The following DNAAF10 variants were observed in gnomAD, a reference collection of about 807,000 sequenced individuals.
DNAAF10 encodes dynein axonemal assembly factor 10.
A neutral mutation model predicts 43.7 loss-of-function variants in DNAAF10; 28 were observed. The ratio of observed to expected loss-of-function variants is 0.64; its 90% CI spans 0.48 to 0.88. DNAAF10 has a LOEUF of 0.88. Among genes scored for constraint, DNAAF10 ranks in the 40% least tolerant of loss-of-function variants. DNAAF10 has a pLI of 0.00. For missense variants in DNAAF10, 403 were observed against 439.1 expected, an observed-to-expected ratio of 0.92 and a Z score of 0.73; for synonymous variants, 156 against 157.3, an observed-to-expected ratio of 0.99 and a Z score of 0.06.
chr2:68,153,481 C>G (rs1673505714), intron 1 of DNAAF10, among the ~76,000 whole-genome samples: 1 of 151,752 alleles, frequency 6.6e-6, no homozygotes, highest in Non-Finnish European at 1.5e-5. Flanking sequence ...GTTCTCAGCT[C>G]TGAGACTCAT....
chr2:68,149,415 T>C (rs1162242207), intron 1 of DNAAF10, among the ~76,000 whole-genome samples: 1 of 152,220 alleles, frequency 6.6e-6, no homozygotes, highest in African/African-American at 2.4e-5. Flanking sequence ...ACCCTATTGA[T>C]GAGAAGCATG....
At position 68,129,900 on chromosome 2, in the gene DNAAF10, T is replaced by C. The variant is rs1306777204; in HGVS notation, c.*1338A>G. On this transcript the variant is annotated 3_prime_UTR_variant, in exon 8 of 8. Coordinates refer to ENST00000295121, the MANE Select transcript of DNAAF10 (RefSeq NM_138458.4). ...CAGAAGTTTATTCATAAAATGCATT[T>C]TTAAAGTATGACCAAAAATAAGACT... 6.6e-6 allele frequency: 1 copy of C among 151,986 alleles called. No individual in the cohort carries two copies. Among genetic ancestry groups the C allele is most frequent in the Non-Finnish European group, 1.5e-5 (1 of 67,976 alleles). 9.4% of individuals were successfully genotyped at this position (151,986 alleles called of 1,614,324 possible). A position where few individuals can be genotyped will look rare whatever the true frequency, so the allele number is the denominator to read the frequency against.
At chr2:68,150,593 C>T (rs1259999339) in intron 1 of DNAAF10, among the ~76,000 whole-genome samples, 7 of 151,854 alleles carry the variant, frequency 4.6e-5, no homozygotes, top group African/African-American at 1.7e-4. Context: ...ATTAGCCAGG[C>T]GTGGTGGTGG....
intron 1 of DNAAF10, among the ~76,000 whole-genome samples, chr2:68,153,745 G>GTTTTT (rs35521976): frequency 3.8e-5 from 3 of 78,414 alleles, no homozygotes; most frequent in Non-Finnish European, 6.9e-5. Flanking sequence ...ACACAATGAA[G>GTTTTT]TTTTTTTTTT....
chr2:68,148,683 T>C (rs1572925782), intron 1 of DNAAF10, among the ~76,000 whole-genome samples: 1 of 152,214 alleles, frequency 6.6e-6, no homozygotes. Flanking sequence ...ACTCTTGCCA[T>C]ATAACACTTC....
intron 7 of DNAAF10, among the ~76,000 whole-genome samples, chr2:68,133,666 C>T (rs1457609646): frequency 6.6e-6 from 1 of 152,050 alleles, no homozygotes; most frequent in African/African-American, 2.4e-5. Flanking sequence ...GGCAGGAGAA[C>T]CCCTTGAACC....
chr2:68,137,528 A>G, intron 5 of DNAAF10, 95 bp from the exon 6 acceptor site: 2 of 1,161,788 alleles, frequency 1.7e-6, no homozygotes, highest in Non-Finnish European at 2.3e-6. Flanking sequence ...TGGTCAGATA[A>G]TGTGAAAGCA....
intron 6 of DNAAF10, among the ~76,000 whole-genome samples, chr2:68,135,299 A>T (rs1206210310): frequency 6.6e-6 from 1 of 152,186 alleles, no homozygotes; most frequent in East Asian, 1.9e-4. Context: ...CCGAAATTTA[A>T]CTAACAGCTC....
chr2:68,150,941 C>G (rs1673443192), intron 1 of DNAAF10, among the ~76,000 whole-genome samples: 1 of 152,160 alleles, frequency 6.6e-6, no homozygotes. Context: ...CCAAAAACAG[C>G]ACTGCAATGT....
chr2:68,157,255 A>G lies in DNAAF10; in HGVS notation c.183+6T>C. The G allele has an allele frequency of 6.2e-7, 1 of 1,610,996 alleles. No individual in the cohort carries two copies. The highest frequency in any genetic ancestry group is 1.1e-5 in the South Asian group (1 of 90,704). On this transcript the variant is annotated splice_donor_region_variant and intron_variant, in intron 1 of 7. Coordinates refer to ENST00000295121, the MANE Select transcript of DNAAF10 (RefSeq NM_138458.4). ...CGGCAGTCCGGATCCTCGACCCGGC[A>G]CCCACCTCCCGAAGCAGCTTCAGGT... is the stretch of plus-strand genomic sequence containing the variant.
At position 68,137,305 on chromosome 2, in the gene DNAAF10, T is replaced by C. The variant is rs771820483; in HGVS notation, c.762A>G (p.Ser254=). The stretch of plus-strand genomic sequence containing the variant: ...ACATTTCCCTCATATTTACCTTTTC[T>C]GAAACAGAGGCAAAACCTTTGGTTG... ...QHPTKGFASV[S]EKAHKSTVWQ... is the part of the protein sequence containing the mutation. Residue 254 remains serine (S), a synonymous_variant, in exon 6 of 8, where the codon TCA becomes TCG. Coordinates refer to ENST00000295121, the MANE Select transcript of DNAAF10 (RefSeq NM_138458.4). The C allele has an allele frequency of 5.6e-6, 9 of 1,610,106 alleles. No homozygotes were observed. In the African/African-American group the frequency reaches 1.1e-4, roughly 19 times the overall value.
intron 6 of DNAAF10, among the ~76,000 whole-genome samples, chr2:68,136,373 T>C (rs1558607077): frequency 6.6e-6 from 1 of 152,114 alleles, no homozygotes; most frequent in Non-Finnish European, 1.5e-5. Flanking sequence ...TATTCTGAAA[T>C]GACAAAAGCA....
At chr2:68,149,941 G>T (rs1376604749) in intron 1 of DNAAF10, among the ~76,000 whole-genome samples, 1 of 152,198 alleles carries the variant, frequency 6.6e-6, no homozygotes, top group Non-Finnish European at 1.5e-5. Context: ...TAGAAGCTGT[G>T]AAGAACTTGC....
intron 6 of DNAAF10, among the ~76,000 whole-genome samples, chr2:68,135,311 C>T (rs923545434): frequency 1.3e-5 from 2 of 152,124 alleles, no homozygotes; most frequent in African/African-American, 2.4e-5. Flanking sequence ...TAACAGCTCC[C>T]AGAGCCTTAT....
At chr2:68,146,308 G>T (rs1673315572) in intron 2 of DNAAF10, among the ~76,000 whole-genome samples, 1 of 152,130 alleles carries the variant, frequency 6.6e-6, no homozygotes, top group African/African-American at 2.4e-5. Context: ...GTTTAGAAAT[G>T]ACATTTATCA....
chr2:68,147,360 C>G (rs1429956341), intron 2 of DNAAF10, 107 bp downstream of exon 2: 2 of 780,568 alleles, frequency 2.6e-6, no homozygotes, highest in Non-Finnish European at 4.1e-6. Flanking sequence ...TAAAATGGAA[C>G]ATAGAAAGAT....
At chr2:68,138,189 A>AACAG (rs1471100608) in intron 5 of DNAAF10, among the ~76,000 whole-genome samples, 111 of 152,090 alleles carry the variant, frequency 7.3e-4, no homozygotes, top group African/African-American at 2.6e-3. Context: ...CAAACAAACA[A>AACAG]ACAAACAAAC....
chr2:68,131,923 G>A (rs937817378), intron 7 of DNAAF10: 4 of 173,946 alleles, frequency 2.3e-5, no homozygotes, highest in South Asian at 2.5e-4. Flanking sequence ...TCTAACCCTC[G>A]AGCTCCATTA....
intron 1 of DNAAF10, among the ~76,000 whole-genome samples, chr2:68,150,540 C>T (rs1673431102): frequency 6.6e-6 from 1 of 151,970 alleles, no homozygotes; most frequent in South Asian, 2.1e-4. Flanking sequence ...CAAGACCAGC[C>T]TGGCCAAAAT....
Sources: allele counts gnomAD v4.1 joint callset (sites outside exome capture counted in the v4.1 genomes callset), GRCh38; gene constraint gnomAD v4.1.1; transcripts MANE v1.5; gene names NCBI Gene and HGNC (gene_info 2026-07-23, HGNC 2026-07-21).